Variants in CADM2 observed in about 807,000 individuals in gnomAD.
CADM2 encodes the protein immunoglobulin superfamily member 4D.
CADM2 carries 12 observed loss-of-function variants against 49.8 expected under a neutral mutation model. That is an observed-to-expected ratio of 0.24 (90% CI 0.15 to 0.39). The LOEUF is 0.39. CADM2 is among the 10% of genes least tolerant of loss of function. The pLI is 1.00. For missense variants in CADM2, 378 were observed against 492.3 expected (o/e 0.77, Z 2.20); for synonymous variants, 214 against 175.4 (o/e 1.22, Z -1.74).
At chr3:86,040,936 T>G (rs1057276874) in intron 8 of CADM2, among the ~76,000 whole-genome samples, 48 of 152,088 alleles carry the variant, frequency 3.2e-4, no homozygotes, top group African/African-American at 1.1e-3. Flanking sequence ...TCAACATTCT[T>G]AAAGAAAAGA....
chr3:86,008,681 G>A (rs1487473054), intron 8 of CADM2, among the ~76,000 whole-genome samples: 2 of 151,942 alleles, frequency 1.3e-5, no homozygotes, highest in East Asian at 3.9e-4. Context: ...CTAATTAAAA[G>A]GCAAAATGAA....
intron 8 of CADM2, among the ~76,000 whole-genome samples, chr3:85,975,299 A>G (rs1158131553): frequency 6.6e-6 from 1 of 151,392 alleles, no homozygotes. Flanking sequence ...TCATAATTTC[A>G]GAGAAATTGT....
intron 1 of CADM2, among the ~76,000 whole-genome samples, chr3:85,172,810 C>G (rs2040662603): frequency 6.8e-6 from 1 of 146,906 alleles, no homozygotes; most frequent in Admixed American, 6.9e-5. Flanking sequence ...CTTGAGAGGT[C>G]TGAACTATGC....
rs73845426 is a variant in CADM2 at position 85,275,699 on chromosome 3, T to G, written c.61+316031T>G. Among the ~76,000 whole-genome samples, 406 of 151,432 alleles carry G rather than the reference T, an allele frequency of 2.7e-3. 1 individual carries two copies. Among genetic ancestry groups the G allele is most frequent in the African/African-American group, 8.5e-3 (352 of 41,490 alleles). On this transcript the variant is annotated intron_variant, in intron 1 of 9. Transcript: ENST00000383699. ...GTTCTCTTTTAATACATGTATTTGC[T>G]AAGTGATTTCTTAGATGATGAGGTA...
chr3:85,837,060 G>A (rs2108251143), intron 3 of CADM2, among the ~76,000 whole-genome samples: 1 of 151,272 alleles, frequency 6.6e-6, no homozygotes, highest in South Asian at 2.1e-4. Flanking sequence ...TTTTCAAATG[G>A]CAGCAGTTTT....
intron 1 of CADM2, among the ~76,000 whole-genome samples, chr3:85,344,970 T>G (rs2030422255): frequency 6.6e-6 from 1 of 152,146 alleles, no homozygotes; most frequent in Admixed American, 6.5e-5. Flanking sequence ...TTTAGCAATC[T>G]AACACTATCT....
At chr3:85,149,291 C>G (rs1364342217) in intron 1 of CADM2, among the ~76,000 whole-genome samples, 2 of 152,024 alleles carry the variant, frequency 1.3e-5, no homozygotes, top group African/African-American at 4.8e-5. Flanking sequence ...CAAGAAGGAC[C>G]TTGTCAGATG....
chr3:85,962,047 G>C (rs898068764), intron 8 of CADM2, among the ~76,000 whole-genome samples: 1 of 151,394 alleles, frequency 6.6e-6, no homozygotes, highest in Non-Finnish European at 1.5e-5. Context: ...AGCAATTCTC[G>C]TGCTTCACCT....
Position 85,737,285 on chromosome 3 carries a change from G to A in CADM2, c.88+10737G>A, listed in dbSNP as rs189707007. ...GTCTGTATTACTGATTCTCGTAATC[G>A]AAAATTTCATACATATAAACAATTT... On this transcript the variant is annotated intron_variant, in intron 2 of 9. Coordinates refer to ENST00000383699, the MANE Select transcript of CADM2 (RefSeq NM_001167675.2). Among the ~76,000 whole-genome samples, 335 of 152,160 alleles carry A rather than the reference G, an allele frequency of 2.2e-3. 1 individual carries two copies. Among genetic ancestry groups the A allele is most frequent in the African/African-American group, 7.7e-3 (320 of 41,518 alleles).
chr3:85,860,434 T>C (rs1325790272), intron 3 of CADM2, among the ~76,000 whole-genome samples: 1 of 152,106 alleles, frequency 6.6e-6, no homozygotes, highest in Non-Finnish European at 1.5e-5. Context: ...GGTAATTTGA[T>C]GGGAATTTCA....
chr3:85,449,859 C>T (rs1301708223), intron 1 of CADM2, among the ~76,000 whole-genome samples: 2 of 152,060 alleles, frequency 1.3e-5, no homozygotes, highest in East Asian at 1.9e-4. Flanking sequence ...GTAGTAGTGA[C>T]GTTGACAATA....
At chr3:85,137,846 C>T (rs751482185) in intron 1 of CADM2, among the ~76,000 whole-genome samples, 17 of 151,836 alleles carry the variant, frequency 1.1e-4, no homozygotes, top group Admixed American at 6.6e-4. Context: ...GACAAAATAA[C>T]GTTTCTGAAT....
rs930219589 is a variant in CADM2, at chr3:86,072,666, G to A, written c.*5883G>A. 2 of 151,884 alleles carry A rather than the reference G, an allele frequency of 1.3e-5. No homozygotes were observed. Among genetic ancestry groups the A allele is most frequent in the Non-Finnish European group, 2.9e-5 (2 of 67,918 alleles). 9.4% of individuals were successfully genotyped at this position (151,884 alleles called of 1,614,324 possible). On this transcript the variant is annotated 3_prime_UTR_variant, in exon 10 of 10. Coordinates refer to ENST00000383699, the MANE Select transcript of CADM2 (RefSeq NM_001167675.2). ...GCTTTCTTTCTTCAGATGCTTTTTCGTGTACATGATACTAGTAGACACTTT... is the reference window on the plus strand; with the variant it reads ...GCTTTCTTTCTTCAGATGCTTTTTCATGTACATGATACTAGTAGACACTTT...
chr3:85,369,748 A>G (rs1209239906), intron 1 of CADM2, among the ~76,000 whole-genome samples: 2 of 152,322 alleles, frequency 1.3e-5, no homozygotes, highest in African/African-American at 4.8e-5. Context: ...ATTATTTTAA[A>G]GAGGCATAGA....
chr3:85,252,264 A>G (rs2042793536), intron 1 of CADM2, among the ~76,000 whole-genome samples: 1 of 152,006 alleles, frequency 6.6e-6, no homozygotes, highest in Admixed American at 6.6e-5. Flanking sequence ...ACATACACTC[A>G]GGGAAAAGTG....
At chr3:85,311,917 A>T (rs2107053261) in intron 1 of CADM2, among the ~76,000 whole-genome samples, 1 of 152,350 alleles carries the variant, frequency 6.6e-6, no homozygotes, top group South Asian at 2.1e-4. Context: ...AAAGTTTCAC[A>T]AATGTGACTA....
intron 8 of CADM2, among the ~76,000 whole-genome samples, chr3:85,991,514 C>T (rs1476409193): frequency 6.6e-6 from 1 of 152,046 alleles, no homozygotes; most frequent in Non-Finnish European, 1.5e-5. Flanking sequence ...AAGTAATCTA[C>T]CTTGCCAAAT....
At chr3:85,109,510 T>C (rs969949992) in intron 1 of CADM2, among the ~76,000 whole-genome samples, 2 of 151,842 alleles carry the variant, frequency 1.3e-5, no homozygotes, top group African/African-American at 4.8e-5. Context: ...ATGAACTCAT[T>C]TAAATGGCTT....
At chr3:86,028,558 T>G (rs1734191810) in intron 8 of CADM2, among the ~76,000 whole-genome samples, 2 of 152,216 alleles carry the variant, frequency 1.3e-5, no homozygotes, top group Non-Finnish European at 2.9e-5. Flanking sequence ...CTCCTCTCTT[T>G]TAGAGAAAAT....
Sources: allele counts gnomAD v4.1 joint callset (sites outside exome capture counted in the v4.1 genomes callset), GRCh38; gene constraint gnomAD v4.1.1; transcripts MANE v1.5; gene names NCBI Gene and HGNC (gene_info 2026-07-23, HGNC 2026-07-21).